Variants in CACNA1C observed in about 807,000 individuals in gnomAD.
The protein encoded by CACNA1C is calcium voltage-gated channel subunit alpha1 C.
Under a neutral mutation model 229.0 loss-of-function variants are expected in CACNA1C, and 30 were observed. The observed-to-expected ratio is 0.13, with a 90% CI of 0.10 to 0.18. CACNA1C has a LOEUF of 0.18. CACNA1C is among the 10% of genes least tolerant of loss of function. The pLI is 1.00. For synonymous variants in CACNA1C, 1,114 were observed against 1,132.5 expected (o/e 0.98, Z 0.33); for missense variants, 1,658 against 2,845.0 (o/e 0.58, Z 9.49).
chr12:2,002,371 C>G (rs528340701), intron 1 of CACNA1C, among the ~76,000 whole-genome samples: 1 of 152,316 alleles, frequency 6.6e-6, no homozygotes, highest in Non-Finnish European at 1.5e-5. Context: ...CTAGGTCTCT[C>G]TGTTTTTCTG....
intron 3 of CACNA1C, among the ~76,000 whole-genome samples, chr12:2,277,434 G>T (rs2089232856): frequency 6.9e-6 from 1 of 145,608 alleles, no homozygotes; most frequent in East Asian, 2.1e-4. Context: ...CACACTGAGG[G>T]CTGATAGGGA....
chr12:2,563,004 T>C (rs2048319324), intron 11 of CACNA1C, among the ~76,000 whole-genome samples: 3 of 152,200 alleles, frequency 2.0e-5, no homozygotes, highest in Non-Finnish European at 2.9e-5. Flanking sequence ...TATTTAACTA[T>C]ATTTTTTCAC....
At position 2,585,825 on chromosome 12, in the gene CACNA1C, G is replaced by C; in HGVS notation, c.2461-10G>C. The C allele has an allele frequency of 6.2e-7, 1 of 1,600,958 alleles. No homozygotes were observed. On this transcript the variant is annotated splice_polypyrimidine_tract_variant and intron_variant, in intron 17 of 46. Transcript: ENST00000399655. This position sits in a 1 kb window ranked among gnomAD's most constrained non-coding sequence, Gnocchi z 4.1. ...ACTATTCTTCCCCCTTCTCCCCTGT[G>C]ACTGTCTAGATCAACATGGATGACC...
intron 3 of CACNA1C, among the ~76,000 whole-genome samples, chr12:2,203,376 C>T (rs1430451510): frequency 1.3e-5 from 2 of 152,190 alleles, no homozygotes; most frequent in African/African-American, 4.8e-5. Context: ...GGCTGTCTCA[C>T]CCACTGAAGG....
intron 9 of CACNA1C, among the ~76,000 whole-genome samples, chr12:2,525,982 G>T (rs934048065): frequency 1.3e-5 from 2 of 152,164 alleles, no homozygotes; most frequent in Admixed American, 1.3e-4. Context: ...TGAAAAGGGT[G>T]GTCTGTTGGG....
intron 3 of CACNA1C, among the ~76,000 whole-genome samples, chr12:2,126,586 G>T (rs1418822687): frequency 6.6e-6 from 1 of 152,240 alleles, no homozygotes; most frequent in Non-Finnish European, 1.5e-5. Context: ...CAAGCTTGAA[G>T]TGGAGGTGGA....
intron 1 of CACNA1C, among the ~76,000 whole-genome samples, chr12:2,080,871 G>C (rs1464423653): frequency 2.6e-5 from 4 of 152,132 alleles, no homozygotes; most frequent in Non-Finnish European, 5.9e-5. Context: ...AGGAGCCATT[G>C]AAAGAATTGG....
At chr12:2,105,270 G>A (rs1265136766) in intron 1 of CACNA1C, among the ~76,000 whole-genome samples, 1 of 152,210 alleles carries the variant, frequency 6.6e-6, no homozygotes, top group African/African-American at 2.4e-5. Flanking sequence ...TCAGAGGCAG[G>A]TGGGTTGTAG....
At chr12:2,565,546 C>T (rs1374054307) in intron 11 of CACNA1C, among the ~76,000 whole-genome samples, 4 of 150,940 alleles carry the variant, frequency 2.7e-5, no homozygotes, top group Non-Finnish European at 4.4e-5. Context: ...TTGGGGCTTG[C>T]GGACCAGTGG....
chr12:2,452,238 G>T (rs1004440301), intron 4 of CACNA1C, among the ~76,000 whole-genome samples: 2 of 152,144 alleles, frequency 1.3e-5, no homozygotes, highest in East Asian at 3.9e-4. Context: ...CACAAGACAC[G>T]TGGCATTTCT....
At chr12:2,339,880 C>T (rs2096810582) in intron 3 of CACNA1C, among the ~76,000 whole-genome samples, 2 of 152,198 alleles carry the variant, frequency 1.3e-5, no homozygotes, top group Non-Finnish European at 2.9e-5. Context: ...TTCAAAATCT[C>T]AGACCAAAGG....
intron 3 of CACNA1C, among the ~76,000 whole-genome samples, chr12:2,264,964 G>A (rs2239038): frequency 0.49 from 75,072 of 152,004 alleles, 20,603 homozygotes; most frequent in African/African-American, 0.75. Flanking sequence ...TGTCCTTCCC[G>A]TTGTCTGAGC....
intron 3 of CACNA1C, among the ~76,000 whole-genome samples, chr12:2,150,359 C>T (rs1178925389): frequency 6.6e-6 from 1 of 152,194 alleles, no homozygotes; most frequent in African/African-American, 2.4e-5. Context: ...ATGTCACCTC[C>T]ATTCCCCAGT....
rs186450967 is a variant in CACNA1C at position 2,150,559 on chromosome 12, G to A, written c.477+30129G>A. ...ACAGAGCAGCTTTGATAACAGCAGT[G>A]CACTCCCTCTCCTCTAGAAAGTTAG... On this transcript the variant is annotated intron_variant, in intron 3 of 46. Coordinates refer to ENST00000399655, the MANE Select transcript of CACNA1C (RefSeq NM_000719.7). Among the ~76,000 whole-genome samples the A allele has an allele frequency of 2.6e-4, 39 of 152,326 alleles. 1 individual carries two copies. Among genetic ancestry groups the A allele is most frequent in the Admixed American group, 8.5e-4 (13 of 15,300 alleles).
At chr12:2,558,804 C>T (rs960628216) in intron 11 of CACNA1C, among the ~76,000 whole-genome samples, 55 of 152,334 alleles carry the variant, frequency 3.6e-4, no homozygotes, top group African/African-American at 1.2e-3. Flanking sequence ...CTTTCTCTCC[C>T]GTTTCACTAG....
In CACNA1C at chr12:2,027,030, A is replaced by G. The variant is rs566146699; in HGVS notation, c.139+55829A>G. Among the ~76,000 whole-genome samples the G allele has an allele frequency of 3.9e-5, 6 of 152,364 alleles. No individual in the cohort carries two copies. In the South Asian group the frequency reaches 1.0e-3, roughly 26 times the overall value. On this transcript the variant is annotated intron_variant, in intron 1 of 46. Transcript: ENST00000682462. ...TCTAATTCTTTCTTGCCATTTCCCA[A>G]AGAAAGATACTGTGATATTTCATTA...
At chr12:2,176,250 G>A (rs1010872698) in intron 3 of CACNA1C, among the ~76,000 whole-genome samples, 3 of 152,118 alleles carry the variant, frequency 2.0e-5, no homozygotes, top group Non-Finnish European at 4.4e-5. Context: ...AGGCTGGAGT[G>A]CGTGAGGTAG....
rs2050829391 is a variant in CACNA1C at position 2,566,264 on chromosome 12, T to C, written c.1509-158T>C. On this transcript the variant is annotated intron_variant, in intron 11 of 46. Transcript: ENST00000399655. This position sits in a 1 kb window ranked among gnomAD's most constrained non-coding sequence, Gnocchi z 4.0. ...GCATCCCCAAGGCGGCAGGGCCTGG[T>C]TAGCTGGATGAGAAGCTGGGCTCCT... Among the ~76,000 whole-genome samples the C allele has an allele frequency of 6.6e-6, 1 of 152,076 alleles. No individual in the cohort carries two copies. The highest frequency in any genetic ancestry group is 2.4e-5 in the African/African-American group (1 of 41,394).
intron 3 of CACNA1C, among the ~76,000 whole-genome samples, chr12:2,358,368 A>G (rs903396072): frequency 2.0e-5 from 3 of 151,242 alleles, no homozygotes; most frequent in Admixed American, 6.6e-5. Context: ...ATATTCAGCA[A>G]ATGTTTCTTG....
Sources: gnomAD v4.1 joint callset for allele counts (sites outside exome capture counted in the v4.1 genomes callset) on GRCh38, gnomAD v4.1.1 for gene constraint, Gnocchi (gnomAD v3.1) non-coding constraint, MANE v1.5 for transcripts, NCBI Gene and HGNC (gene_info 2026-07-23, HGNC 2026-07-21) for gene names.